The following THSD4 variants were observed in gnomAD, a reference collection of about 807,000 sequenced individuals.
The protein encoded by THSD4 is thrombospondin type 1 domain containing 4.
THSD4 carries 69 observed loss-of-function variants against 119.0 expected under a neutral mutation model. The observed-to-expected ratio is 0.58, with a 90% confidence interval of 0.48 to 0.71. The LOEUF is 0.71. THSD4 is among the 30% of genes least tolerant of loss of function. The pLI, the probability that THSD4 is intolerant of heterozygous loss-of-function variation, is 0.00. For synonymous variants in THSD4, 524 were observed against 540.4 expected (o/e 0.97, Z 0.42); for missense variants, 1,393 against 1,391.1 (o/e 1.00, Z -0.02).
chr15:71,469,521 G>A (rs1157101893), intron 7 of THSD4, among the ~76,000 whole-genome samples: 1 of 152,164 alleles, frequency 6.6e-6, no homozygotes, highest in East Asian at 1.9e-4. Flanking sequence ...CTTCAAGGCT[G>A]AGAAGCTGCC....
At chr15:71,199,671 G>GTGTGGTGTGT (rs1249219114) in intron 3 of THSD4, among the ~76,000 whole-genome samples, 72 of 11,714 alleles carry the variant, frequency 6.1e-3, no homozygotes, top group South Asian at 9.6e-3. Context: ...ATGCATGTGT[G>GTGTGGTGTGT]GAGGGTGTGT....
chr15:71,276,571 T>G (rs1200433700), intron 6 of THSD4, among the ~76,000 whole-genome samples: 1 of 152,214 alleles, frequency 6.6e-6, no homozygotes, highest in African/African-American at 2.4e-5. Context: ...GCTGCCTCTT[T>G]GCCAGTTCTA....
rs776139902 is a variant in THSD4 at position 71,341,121 on chromosome 15, T to C, written c.1016-70566T>C. On this transcript the variant is annotated intron_variant, in intron 6 of 17. Coordinates refer to ENST00000261862, the MANE Select transcript of THSD4 (RefSeq NM_024817.3). The stretch of plus-strand genomic sequence containing the variant: ...TCTGTCTTCCCTCTCTCTCCCTTTT[T>C]TTTTTCCTTTTAATTACATTTATTT... The C allele has an allele frequency of 9.6e-5, 129 of 1,339,960 alleles. 1 individual carries two copies. The Admixed American group carries it at 2.3e-3, about 24-fold the overall frequency. The allele number at this position is 1,339,960 out of a possible 1,614,324, so 83.0% of individuals were successfully genotyped here. A position where few individuals can be genotyped will look rare whatever the true frequency, so the allele number is the denominator to read the frequency against.
In THSD4 at chr15:71,737,931, G is replaced by A. The variant is rs376596679; in HGVS notation, c.1830G>A (p.Pro610=). The A allele has an allele frequency of 1.2e-5, 19 of 1,614,040 alleles. No individual in the cohort carries two copies. Among genetic ancestry groups the A allele is most frequent in the South Asian group, 2.2e-5 (2 of 91,062 alleles). ...CGGACAACTTGGTGCCACCAGCACC[G>A]CAGCCCCCACGGCGCAGCCGGGATC... is the stretch of plus-strand genomic sequence containing the variant. The part of the protein sequence containing the change: ...HRPDNLVPPA[P]QPPRRSRDHN... Residue 610 remains proline (P), a synonymous_variant, in exon 11 of 18, where the codon CCG becomes CCA. Coordinates refer to ENST00000261862, the MANE Select transcript of THSD4 (RefSeq NM_024817.3).
intron 7 of THSD4, among the ~76,000 whole-genome samples, chr15:71,619,551 T>C (rs2050383638): frequency 6.6e-6 from 1 of 152,202 alleles, no homozygotes; most frequent in Admixed American, 6.5e-5. Flanking sequence ...GCTGGATGAC[T>C]TATGTCCTGG....
rs116714502 is a variant in THSD4 at position 71,286,559 on chromosome 15, A to G, written c.1015+29844A>G. Among the ~76,000 whole-genome samples, 4 of 152,292 alleles carry G rather than the reference A, an allele frequency of 2.6e-5. No individual in the cohort carries two copies. In the East Asian group the frequency reaches 7.7e-4, roughly 29 times the overall value. On this transcript the variant is annotated intron_variant, in intron 6 of 17. Coordinates refer to ENST00000261862, the MANE Select transcript of THSD4 (RefSeq NM_024817.3). ...ATTTTCTTTAGTCAGTCTATCCTTG[A>G]TGGGCATTTGGGTTCCATGGCTTTG...
chr15:71,525,909 G>A (rs1595857982), intron 7 of THSD4, among the ~76,000 whole-genome samples: 2 of 152,192 alleles, frequency 1.3e-5, no homozygotes, highest in African/African-American at 4.8e-5. Context: ...CTCAAGGACA[G>A]GGAATGGGTC....
chr15:71,645,624 A>T (rs1207752201), intron 7 of THSD4, among the ~76,000 whole-genome samples: 1 of 152,194 alleles, frequency 6.6e-6, no homozygotes, highest in Non-Finnish European at 1.5e-5. Context: ...AGAGTGAGCC[A>T]CCAGAAGAAA....
chr15:71,133,246 G>A (rs1316067060), intron 1 of THSD4, among the ~76,000 whole-genome samples: 1 of 152,150 alleles, frequency 6.6e-6, no homozygotes, highest in Non-Finnish European at 1.5e-5. Context: ...GTGTGTTGTG[G>A]TCTTTAGGAG....
At chr15:71,452,317 C>T (rs2047276196) in intron 7 of THSD4, among the ~76,000 whole-genome samples, 1 of 152,116 alleles carries the variant, frequency 6.6e-6, no homozygotes, top group Admixed American at 6.5e-5. Flanking sequence ...GTCCCTGTGG[C>T]TTTGGGTTCC....
intron 6 of THSD4, among the ~76,000 whole-genome samples, chr15:71,344,857 G>A (rs767661220): frequency 6.6e-6 from 1 of 152,088 alleles, no homozygotes; most frequent in Non-Finnish European, 1.5e-5. Context: ...TTTGAAAATG[G>A]TGTACTCTCC....
At chr15:71,671,298 G>A (rs188709947) in intron 8 of THSD4, among the ~76,000 whole-genome samples, 24 of 152,282 alleles carry the variant, frequency 1.6e-4, no homozygotes, top group Non-Finnish European at 2.6e-4. Context: ...AGAAGTGTCT[G>A]TTCATATCCT....
intron 5 of THSD4, among the ~76,000 whole-genome samples, chr15:71,246,618 T>A (rs2140278134): frequency 1.3e-5 from 2 of 152,330 alleles, no homozygotes; most frequent in South Asian, 4.1e-4. Context: ...TATTAAGACC[T>A]ATCTTATGGT....
chr15:71,618,501 G>A (rs2140923103), intron 7 of THSD4, among the ~76,000 whole-genome samples: 1 of 152,280 alleles, frequency 6.6e-6, no homozygotes, highest in East Asian at 1.9e-4. Flanking sequence ...TAAAAGCAGG[G>A]ATATACCCCG....
At chr15:71,302,830 C>T (rs1265557477) in intron 6 of THSD4, among the ~76,000 whole-genome samples, 1 of 151,996 alleles carries the variant, frequency 6.6e-6, no homozygotes, top group Non-Finnish European at 1.5e-5. Flanking sequence ...CACCATGGCC[C>T]CCAAGATGCT....
chr15:71,724,521 G>GACCT lies in THSD4; in HGVS notation c.1358-4028_1358-4027insACCT, dbSNP rs2052797300. 4.0e-5 allele frequency among the ~76,000 whole-genome samples: 6 copies of GACCT among 151,398 alleles called. No individual in the cohort carries two copies. In the South Asian group the frequency reaches 1.3e-3, roughly 32 times the overall value. On this transcript the variant is annotated intron_variant, in intron 8 of 17. Coordinates refer to ENST00000261862, the MANE Select transcript of THSD4 (RefSeq NM_024817.3). ...AGGATGGTCTTGATCTCCTGACCTCGTGATCCGCCAGCCTCAGCCTCCCAA... is the reference window on the plus strand; with the variant it reads ...AGGATGGTCTTGATCTCCTGACCTCGACCTTGATCCGCCAGCCTCAGCCTCCCAA...
chr15:71,540,768 G>C (rs2048749450), intron 7 of THSD4, among the ~76,000 whole-genome samples: 1 of 130,704 alleles, frequency 7.7e-6, no homozygotes, highest in African/African-American at 2.9e-5. Flanking sequence ...TGTCACCCAG[G>C]CTGGAGTGCA....
At chr15:71,683,844 A>G in intron 8 of THSD4, among the ~76,000 whole-genome samples, 1 of 152,082 alleles carries the variant, frequency 6.6e-6, no homozygotes, top group East Asian at 1.9e-4. Flanking sequence ...GCATGGTGGG[A>G]GGTGCCCATA....
Position 71,712,512 on chromosome 15 carries a change from TTTGCAGAAGGGAGAA to T in THSD4, c.1358-16023_1358-16009del, listed in dbSNP as rs144863063. On this transcript the variant is annotated intron_variant, in intron 8 of 17. Coordinates refer to ENST00000261862, the MANE Select transcript of THSD4 (RefSeq NM_024817.3). The stretch of plus-strand genomic sequence containing the variant: ...CAAATCATATTTCTTTGGATTTTGC[TTTGCAGAAGGGAGAA>T]TTGCAGAAGGGAGGAAACAATAAAA... 7.7e-3 allele frequency among the ~76,000 whole-genome samples: 1,174 copies of T among 152,258 alleles called. 22 individuals are homozygous for T. The highest frequency in any genetic ancestry group is 0.04 in the Admixed American group (613 of 15,292).
Sources: allele counts gnomAD v4.1 joint callset (sites outside exome capture counted in the v4.1 genomes callset), GRCh38; gene constraint gnomAD v4.1.1; transcripts MANE v1.5; gene names NCBI Gene and HGNC (gene_info 2026-07-23, HGNC 2026-07-21).